Variants in MNAT1 observed in about 807,000 individuals in gnomAD.
The protein encoded by MNAT1 is CDK-activating kinase assembly factor MAT1.
A neutral mutation model predicts 42.0 loss-of-function variants in MNAT1; 43 were observed. The ratio of observed to expected loss-of-function variants is 1.02; its 90% CI spans 0.80 to 1.32. MNAT1 has a LOEUF of 1.32. Ranked by LOEUF, MNAT1 falls within the 40% of genes most tolerant of loss-of-function variation. The pLI is 0.00. For synonymous variants in MNAT1, 118 were observed against 120.0 expected (o/e 0.98, Z 0.11); for missense variants, 306 against 350.4 (o/e 0.87, Z 1.01).
chr14:60,887,271 G>A (rs1165852873), intron 7 of MNAT1, among the ~76,000 whole-genome samples: 1 of 150,782 alleles, frequency 6.6e-6, no homozygotes, highest in East Asian at 1.9e-4. Flanking sequence ...TAAGTTTTAG[G>A]GTACATGTGC....
chr14:60,757,917 T>C (rs2030427156), intron 1 of MNAT1, among the ~76,000 whole-genome samples: 1 of 152,188 alleles, frequency 6.6e-6, no homozygotes, highest in Admixed American at 6.5e-5. Context: ...TGAGGTCTCA[T>C]TGCTAAGTAT....
intron 7 of MNAT1, among the ~76,000 whole-genome samples, chr14:60,914,769 T>C (rs1347247360): frequency 6.6e-6 from 1 of 152,132 alleles, no homozygotes; most frequent in Non-Finnish European, 1.5e-5. Context: ...TCCACAAACT[T>C]AAGTAGTGGT....
At chr14:60,771,714 C>T (rs2031064328) in intron 1 of MNAT1, among the ~76,000 whole-genome samples, 1 of 152,118 alleles carries the variant, frequency 6.6e-6, no homozygotes, top group Non-Finnish European at 1.5e-5. Flanking sequence ...TTCTTCTTTC[C>T]CTAGCTCTTC....
At chr14:60,963,182 A>G (rs2036627154) in intron 7 of MNAT1, among the ~76,000 whole-genome samples, 1 of 151,980 alleles carries the variant, frequency 6.6e-6, no homozygotes, top group Non-Finnish European at 1.5e-5. Context: ...GGTTTTCACC[A>G]TGTTGGTCAG....
intron 7 of MNAT1, among the ~76,000 whole-genome samples, chr14:60,961,040 G>C (rs1043819744): frequency 6.6e-6 from 1 of 151,858 alleles, no homozygotes; most frequent in Non-Finnish European, 1.5e-5. Flanking sequence ...TCAGCTCACC[G>C]CAACCTCTAC....
chr14:60,894,025 C>T (rs535322126), intron 7 of MNAT1, among the ~76,000 whole-genome samples: 3 of 152,266 alleles, frequency 2.0e-5, no homozygotes, highest in Non-Finnish European at 2.9e-5. Flanking sequence ...CCTCCCCAGA[C>T]TCGCAACTGA....
chr14:60,854,828 T>A (rs2033915255), intron 6 of MNAT1, among the ~76,000 whole-genome samples: 1 of 152,178 alleles, frequency 6.6e-6, no homozygotes, highest in African/African-American at 2.4e-5. Flanking sequence ...GCTGGTGCAC[T>A]GTGCTGGGAG....
intron 6 of MNAT1, among the ~76,000 whole-genome samples, chr14:60,829,658 C>T (rs952287000): frequency 2.6e-5 from 4 of 152,082 alleles, no homozygotes; most frequent in African/African-American, 7.2e-5. Context: ...GTAATGAGGA[C>T]AAGGTAAAAT....
At chr14:60,911,080 C>A (rs1383688518) in intron 7 of MNAT1, among the ~76,000 whole-genome samples, 1 of 152,100 alleles carries the variant, frequency 6.6e-6, no homozygotes, top group East Asian at 1.9e-4. Flanking sequence ...GGAATTTATC[C>A]ATTTCTTCTA....
intron 7 of MNAT1, among the ~76,000 whole-genome samples, chr14:60,921,361 T>C (rs911268494): frequency 6.6e-6 from 1 of 152,218 alleles, no homozygotes; most frequent in East Asian, 1.9e-4. Flanking sequence ...ATGTTCATTA[T>C]AGAAAAATTT....
chr14:60,909,195 T>G (rs1330964939), intron 7 of MNAT1, among the ~76,000 whole-genome samples: 3 of 152,206 alleles, frequency 2.0e-5, no homozygotes, highest in African/African-American at 7.2e-5. Flanking sequence ...GTAAATTTGT[T>G]TGAGTTCATT....
At chr14:60,916,999 ACCT>A (rs1408752228) in intron 7 of MNAT1, among the ~76,000 whole-genome samples, 17 of 152,004 alleles carry the variant, frequency 1.1e-4, no homozygotes, top group Admixed American at 3.9e-4. Flanking sequence ...ACAAAAAATA[ACCT>A]GTAAGCATTG....
Position 60,800,992 on chromosome 14 carries a change from T to C in MNAT1, c.316+2832T>C, listed in dbSNP as rs150328282. On this transcript the variant is annotated intron_variant, in intron 3 of 7. Coordinates refer to ENST00000261245, the MANE Select transcript of MNAT1 (RefSeq NM_002431.4). ...TAATTATGTTAACTAATAACTATAA[T>C]GTAATGTGATAAGTCTTATAAATAG... Among the ~76,000 whole-genome samples, 7 of 152,242 alleles carry C rather than the reference T, an allele frequency of 4.6e-5. No individual in the cohort carries two copies. The East Asian group carries it at 7.7e-4, about 17-fold the overall frequency.
intron 7 of MNAT1, among the ~76,000 whole-genome samples, chr14:60,916,392 C>T (rs539437776): frequency 1.6e-4 from 25 of 152,238 alleles, no homozygotes; most frequent in Admixed American, 1.2e-3. Flanking sequence ...CTATGGCTCA[C>T]GCCTGCAATC....
At chr14:60,952,668 A>C (rs1023115272) in intron 7 of MNAT1, among the ~76,000 whole-genome samples, 4 of 152,170 alleles carry the variant, frequency 2.6e-5, no homozygotes, top group Non-Finnish European at 5.9e-5. Context: ...GGTGAGTTCG[A>C]TTATGAAAAT....
At chr14:60,855,460 G>A (rs936317185) in intron 6 of MNAT1, among the ~76,000 whole-genome samples, 1 of 152,180 alleles carries the variant, frequency 6.6e-6, no homozygotes, top group Non-Finnish European at 1.5e-5. Flanking sequence ...GCACATGAAG[G>A]AATCTCCTGA....
intron 1 of MNAT1, among the ~76,000 whole-genome samples, chr14:60,738,593 C>T (rs888464291): frequency 2.0e-5 from 3 of 151,744 alleles, no homozygotes; most frequent in Non-Finnish European, 4.4e-5. Context: ...GGCTGGAGTG[C>T]AATGGCGTGA....
At chr14:60,816,009 T>C (rs1469024631) in intron 5 of MNAT1, among the ~76,000 whole-genome samples, 3 of 152,170 alleles carry the variant, frequency 2.0e-5, no homozygotes, top group African/African-American at 7.2e-5. Flanking sequence ...CGTATTTCTT[T>C]TTCTGTATAT....
At chr14:60,811,813 G>A (rs755622981) in intron 4 of MNAT1, among the ~76,000 whole-genome samples, 174 bp from the exon 5 acceptor site, 2 of 152,206 alleles carry the variant, frequency 1.3e-5, no homozygotes, top group Non-Finnish European at 1.5e-5. Context: ...TAATAGTAAC[G>A]TGTCTACATG....
Sources: allele counts gnomAD v4.1 joint callset (sites outside exome capture counted in the v4.1 genomes callset), GRCh38; gene constraint gnomAD v4.1.1; transcripts MANE v1.5; gene names NCBI Gene and HGNC (gene_info 2026-07-23, HGNC 2026-07-21).